Variants in RYR3 observed in about 807,000 individuals in gnomAD.
The protein encoded by RYR3 is ryanodine receptor 3, also known as brain ryanodine receptor-calcium release channel.
RYR3 carries 207 observed loss-of-function variants against 584.3 expected under a neutral mutation model. That is an observed-to-expected ratio of 0.35 (90% confidence interval 0.32 to 0.40). The LOEUF is 0.40. RYR3 is among the 10% of genes least tolerant of loss of function. RYR3 has a pLI of 1.00. For synonymous variants in RYR3, 2,416 were observed against 2,248.5 expected, an observed-to-expected ratio of 1.07 and a Z score of -2.11; for missense variants, 5,616 against 6,089.2, an observed-to-expected ratio of 0.92 and a Z score of 2.59.
At chr15:33,519,903 T>G (rs2053846119) in intron 3 of RYR3, among the ~76,000 whole-genome samples, 1 of 152,194 alleles carries the variant, frequency 6.6e-6, no homozygotes, top group Non-Finnish European at 1.5e-5. Flanking sequence ...GATCGCTGTT[T>G]GTTTTGCTGG....
At chr15:33,857,974 C>T in intron 99 of RYR3, 60 bp downstream of exon 99, 1 of 1,601,994 alleles carries the variant, frequency 6.2e-7, no homozygotes, top group South Asian at 1.1e-5. Context: ...CGCCCCACCA[C>T]CTCACTGGGA....
At chr15:33,731,900 G>T (rs1050117634) in intron 48 of RYR3, among the ~76,000 whole-genome samples, 1 of 152,174 alleles carries the variant, frequency 6.6e-6, no homozygotes, top group Non-Finnish European at 1.5e-5. Flanking sequence ...CCCTTTGGGG[G>T]AAGGGAGAGG....
intron 1 of RYR3, among the ~76,000 whole-genome samples, chr15:33,433,317 G>A (rs978174131): frequency 4.6e-5 from 7 of 152,276 alleles, no homozygotes; most frequent in African/African-American, 1.4e-4. Flanking sequence ...AGTATCAAAT[G>A]TTAGGCATGT....
Position 33,497,619 on chromosome 15 carries a change from G to A in RYR3, c.172-6012G>A, listed in dbSNP as rs183331008. 3.3e-4 allele frequency among the ~76,000 whole-genome samples: 50 copies of A among 152,208 alleles called. 1 individual carries two copies. In the East Asian group the frequency reaches 9.5e-3, roughly 29 times the overall value. On this transcript the variant is annotated intron_variant, in intron 2 of 103. Coordinates refer to ENST00000634891, the MANE Select transcript of RYR3 (RefSeq NM_001036.6). Reference sequence around the variant, plus strand: ...CACATAAGAATTGTACATATTTTATGGGGTACAGTGTGATGTTTTGATTGA... The same window carrying A: ...CACATAAGAATTGTACATATTTTATAGGGTACAGTGTGATGTTTTGATTGA...
intron 67 of RYR3, among the ~76,000 whole-genome samples, chr15:33,792,432 A>T (rs569689606): frequency 1.3e-5 from 2 of 151,784 alleles, no homozygotes; most frequent in South Asian, 4.2e-4. Flanking sequence ...CTTCACACTG[A>T]CTCTGTGCAC....
At chr15:33,752,210 C>T (rs545297253) in intron 57 of RYR3, among the ~76,000 whole-genome samples, 14 of 152,170 alleles carry the variant, frequency 9.2e-5, no homozygotes, top group East Asian at 5.8e-4. Flanking sequence ...CTTGGCTATG[C>T]GGGCTCTTTT....
At chr15:33,522,279 C>A (rs2054058108) in intron 3 of RYR3, among the ~76,000 whole-genome samples, 1 of 151,526 alleles carries the variant, frequency 6.6e-6, no homozygotes, top group Non-Finnish European at 1.5e-5. Context: ...AAAAAAAATT[C>A]TGTTTCATAG....
chr15:33,855,562 A>C (rs1292348236), intron 98 of RYR3, among the ~76,000 whole-genome samples: 3 of 151,878 alleles, frequency 2.0e-5, no homozygotes, highest in African/African-American at 7.3e-5. Flanking sequence ...CCTGGGGGTT[A>C]GCAAGTAGAC....
chr15:33,802,262 A>G (rs1327167062), intron 69 of RYR3, among the ~76,000 whole-genome samples: 1 of 152,224 alleles, frequency 6.6e-6, no homozygotes, highest in Non-Finnish European at 1.5e-5. Context: ...TTTAAAATAG[A>G]ACTTCTTCCT....
intron 2 of RYR3, among the ~76,000 whole-genome samples, chr15:33,482,644 C>T (rs1268399016): frequency 6.6e-6 from 1 of 152,170 alleles, no homozygotes; most frequent in African/African-American, 2.4e-5. Context: ...GTCTCGAACT[C>T]CTGACGTTAA....
At chr15:33,340,269 GCAGAGGGT>G (rs1971661566) in intron 1 of RYR3, among the ~76,000 whole-genome samples, 1 of 152,224 alleles carries the variant, frequency 6.6e-6, no homozygotes, top group Admixed American at 6.5e-5. Flanking sequence ...CCAGACCTGT[GCAGAGGGT>G]CAGGGGCTCC....
At chr15:33,694,442 C>T (rs2065683378) in intron 38 of RYR3, among the ~76,000 whole-genome samples, 1 of 152,038 alleles carries the variant, frequency 6.6e-6, no homozygotes, top group Non-Finnish European at 1.5e-5. Flanking sequence ...GACGGGGTTT[C>T]ACCGTGTTAG....
chr15:33,558,412 A>G (rs940270115), intron 10 of RYR3, among the ~76,000 whole-genome samples: 11 of 151,202 alleles, frequency 7.3e-5, no homozygotes, highest in African/African-American at 1.9e-4. Context: ...CCATGTCCCT[A>G]CAAAGGACAT....
intron 1 of RYR3, 163 bp from the exon 2 acceptor site, chr15:33,473,256 T>C (rs1596293322): frequency 1.2e-6 from 1 of 841,922 alleles, no homozygotes; most frequent in Non-Finnish European, 2.0e-6. Context: ...CGTGATGTCC[T>C]GTGAATAAAA....
At chr15:33,821,187 A>G (rs1484008514) in intron 78 of RYR3, 83 bp from the exon 79 acceptor site, 8 of 1,110,700 alleles carry the variant, frequency 7.2e-6, no homozygotes, top group Non-Finnish European at 1.1e-5. Flanking sequence ...GGTAACTGGA[A>G]AATTCTCTCT....
At chr15:33,406,227 A>C (rs1025418630) in intron 1 of RYR3, among the ~76,000 whole-genome samples, 1 of 152,210 alleles carries the variant, frequency 6.6e-6, no homozygotes, top group Non-Finnish European at 1.5e-5. Context: ...TTGGATGCCA[A>C]GGAAATGCCT....
Position 33,719,446 on chromosome 15 carries a change from G to A in RYR3, c.6620-3269G>A, listed in dbSNP as rs192884525. On this transcript the variant is annotated intron_variant, in intron 43 of 103. Transcript: ENST00000634891. Reference sequence around the variant, plus strand: ...TTGAATTCAACATGCTGGTAAAATCGGTGGCTGACCCACAAGCATTTCCAC... The same window carrying A: ...TTGAATTCAACATGCTGGTAAAATCAGTGGCTGACCCACAAGCATTTCCAC... Among the ~76,000 whole-genome samples, 310 of 152,264 alleles carry A rather than the reference G, an allele frequency of 2.0e-3. 1 individual carries two copies. The highest frequency in any genetic ancestry group is 7.2e-3 in the African/African-American group (301 of 41,534).
chr15:33,684,181 C>A (rs1303927258), intron 38 of RYR3, among the ~76,000 whole-genome samples: 1 of 152,252 alleles, frequency 6.6e-6, no homozygotes, highest in Non-Finnish European at 1.5e-5. Flanking sequence ...AGACTGCCTC[C>A]TCAAGTGGGT....
chr15:33,451,758 A>AT (rs2047149238), intron 1 of RYR3, among the ~76,000 whole-genome samples: 1 of 152,116 alleles, frequency 6.6e-6, no homozygotes, highest in Non-Finnish European at 1.5e-5. Flanking sequence ...AGTTATTAAT[A>AT]TTTCTGCTTT....
Sources: allele counts gnomAD v4.1 joint callset (sites outside exome capture counted in the v4.1 genomes callset), GRCh38; gene constraint gnomAD v4.1.1; transcripts MANE v1.5; gene names NCBI Gene and HGNC (gene_info 2026-07-23, HGNC 2026-07-21).